HERC4: variants seen among roughly 807,000 people sequenced by gnomAD.
HERC4 encodes the protein probable E3 ubiquitin-protein ligase HERC4.
In HERC4, 28 loss-of-function variants were observed where a neutral mutation model predicts 124.3. That is an observed-to-expected ratio of 0.23 (90% CI 0.17 to 0.31). The LOEUF is 0.31. Among genes scored for constraint, HERC4 ranks in the 10% least tolerant of loss-of-function variants. HERC4 has a pLI of 1.00. For synonymous variants in HERC4, 407 were observed against 421.5 expected (o/e 0.97, Z 0.42); for missense variants, 713 against 1,229.3 (o/e 0.58, Z 6.28).
At chr10:68,061,723 A>C (rs1006960365) in intron 3 of HERC4, among the ~76,000 whole-genome samples, 7 of 150,886 alleles carry the variant, frequency 4.6e-5, no homozygotes, top group Non-Finnish European at 1.0e-4. Flanking sequence ...TACTAAAAAT[A>C]CAAAAAAATT....
chr10:68,059,955 T>A (rs1195482430), intron 3 of HERC4, among the ~76,000 whole-genome samples: 1 of 131,704 alleles, frequency 7.6e-6, no homozygotes, highest in Non-Finnish European at 1.5e-5. Flanking sequence ...TTATATTATA[T>A]TTTGTTTCTC....
chr10:67,926,421 A>AT (rs2030961708), intron 23 of HERC4, among the ~76,000 whole-genome samples: 2 of 149,320 alleles, frequency 1.3e-5, no homozygotes, highest in African/African-American at 2.4e-5. Context: ...AAAAATAAAA[A>AT]AAAAAAAAAA....
At chr10:67,928,487 A>G (rs775924467) in intron 23 of HERC4, among the ~76,000 whole-genome samples, 1 of 152,154 alleles carries the variant, frequency 6.6e-6, no homozygotes, top group Non-Finnish European at 1.5e-5. Context: ...TTTGCTGGGT[A>G]GGAGAGGGGA....
intron 21 of HERC4, 132 bp downstream of exon 21, chr10:67,939,456 A>C: frequency 1.7e-6 from 1 of 599,210 alleles, no homozygotes; most frequent in Non-Finnish European, 2.9e-6. Context: ...GCATGTAGTA[A>C]ATGCTCAATA....
chr10:68,030,281 A>C (rs180790495), intron 7 of HERC4, among the ~76,000 whole-genome samples: 1 of 151,952 alleles, frequency 6.6e-6, no homozygotes, highest in Non-Finnish European at 1.5e-5. Context: ...CTCTACAAAA[A>C]AATACAAAAA....
intron 3 of HERC4, among the ~76,000 whole-genome samples, chr10:68,065,354 G>A (rs2041248798): frequency 6.6e-6 from 1 of 151,972 alleles, no homozygotes; most frequent in African/African-American, 2.4e-5. Context: ...AATAAAATGA[G>A]GCAAAACTTA....
At chr10:68,015,821 G>A (rs1194860468) in intron 8 of HERC4, among the ~76,000 whole-genome samples, 2 of 152,114 alleles carry the variant, frequency 1.3e-5, no homozygotes, top group Admixed American at 6.6e-5. Context: ...TATATATTTT[G>A]GCCAGGCATG....
intron 10 of HERC4, 125 bp downstream of exon 10, chr10:67,992,481 G>T: frequency 8.8e-7 from 1 of 1,134,434 alleles, no homozygotes; most frequent in Non-Finnish European, 1.3e-6. Context: ...AACTTATTCT[G>T]TAGACTTAAG....
intron 21 of HERC4, among the ~76,000 whole-genome samples, chr10:67,937,502 A>G (rs2032467162): frequency 6.6e-6 from 1 of 152,188 alleles, no homozygotes; most frequent in African/African-American, 2.4e-5. Flanking sequence ...GTCAACTGAG[A>G]TGATCAATAA....
intron 15 of HERC4, among the ~76,000 whole-genome samples, chr10:67,974,676 G>A (rs2035474901): frequency 6.6e-6 from 1 of 152,128 alleles, no homozygotes; most frequent in Non-Finnish European, 1.5e-5. Context: ...TATAATGTAT[G>A]CTTATTGTTA....
intron 9 of HERC4, among the ~76,000 whole-genome samples, chr10:68,012,900 TATCACTA>T (rs2038051208): frequency 6.6e-6 from 1 of 152,254 alleles, no homozygotes; most frequent in African/African-American, 2.4e-5. Context: ...GGTGATCTCA[TATCACTA>T]ATTTAGCGAT....
In HERC4 at chr10:67,996,165, A is replaced by C. The variant is rs748120034; in HGVS notation, c.1070-3483T>G. The C allele has an allele frequency of 9.6e-5, 43 of 449,046 alleles. 1 individual carries two copies. The highest frequency in any genetic ancestry group is 6.8e-4 in the South Asian group (43 of 63,400). 27.8% of individuals were successfully genotyped at this position (449,046 alleles called of 1,614,324 possible). A position where few individuals can be genotyped will look rare whatever the true frequency, so the allele number is the denominator to read the frequency against. On this transcript the variant is annotated intron_variant, in intron 9 of 24. Coordinates refer to ENST00000373700, the MANE Select transcript of HERC4 (RefSeq NM_015601.4). ...TACAAAAAAAATTAAAAATTGGTTA[A>C]GCGTGGTGGCGCATGCCTGTAGTCT... is the stretch of plus-strand genomic sequence containing the variant.
intron 8 of HERC4, among the ~76,000 whole-genome samples, chr10:68,017,893 A>G (rs2038364871): frequency 6.6e-6 from 1 of 152,252 alleles, no homozygotes; most frequent in African/African-American, 2.4e-5. Flanking sequence ...CATAGCCACT[A>G]AAGAAATTGA....
chr10:67,952,974 T>G (rs2033903947), intron 19 of HERC4, among the ~76,000 whole-genome samples: 1 of 151,816 alleles, frequency 6.6e-6, no homozygotes, highest in African/African-American at 2.4e-5. Context: ...CTTCACTCAG[T>G]TTTCTCCAGT....
At chr10:68,062,432 A>T (rs2133784832) in intron 3 of HERC4, among the ~76,000 whole-genome samples, 1 of 152,166 alleles carries the variant, frequency 6.6e-6, no homozygotes, top group Non-Finnish European at 1.5e-5. Flanking sequence ...CTAAGTCTCC[A>T]TCATCTACCT....
chr10:67,923,777 T>TAATG (rs1261702340), intron 24 of HERC4, among the ~76,000 whole-genome samples: 4 of 151,778 alleles, frequency 2.6e-5, no homozygotes, highest in African/African-American at 9.7e-5. Flanking sequence ...TCTTAAAGAG[T>TAATG]AATGATTTCT....
intron 3 of HERC4, chr10:68,068,912 G>T: frequency 3.1e-6 from 1 of 320,716 alleles, no homozygotes; most frequent in Non-Finnish European, 4.5e-6. Flanking sequence ...ACCTGCCTTA[G>T]CTACATACAA....
rs1260869432 is a variant in HERC4 at position 67,954,849 on chromosome 10, A to C, written c.2194-111T>G. The C allele has an allele frequency of 4.2e-6, 5 of 1,203,910 alleles. No homozygotes were observed. In the Admixed American group the frequency reaches 1.6e-4, roughly 39 times the overall value. The allele number at this position is 1,203,910 out of a possible 1,614,324, so 74.6% of individuals were successfully genotyped here. A position where few individuals can be genotyped will look rare whatever the true frequency, so the allele number is the denominator to read the frequency against. Reference sequence around the variant, plus strand: ...AATACTCTACAATTAATAGTTTAAAATAAATATAATTTTATTTATTAAGTT... The same window carrying C: ...AATACTCTACAATTAATAGTTTAAACTAAATATAATTTTATTTATTAAGTT... On this transcript the variant is annotated intron_variant, in intron 18 of 24. Transcript: ENST00000373700.
At chr10:68,065,703 T>C (rs1315224257) in intron 3 of HERC4, among the ~76,000 whole-genome samples, 1 of 151,758 alleles carries the variant, frequency 6.6e-6, no homozygotes, top group African/African-American at 2.4e-5. Context: ...CTATAAAAAA[T>C]ACAAAAATAT....
Sources: gnomAD v4.1 joint callset for allele counts (sites outside exome capture counted in the v4.1 genomes callset) on GRCh38, gnomAD v4.1.1 for gene constraint, MANE v1.5 for transcripts, NCBI Gene and HGNC (gene_info 2026-07-23, HGNC 2026-07-21) for gene names.